The following STOX1 variants were observed in gnomAD, a reference collection of about 807,000 sequenced individuals.
STOX1 encodes storkhead-box protein 1.
STOX1 carries 57 observed loss-of-function variants against 74.8 expected under a neutral mutation model. The observed-to-expected ratio is 0.76, with a 90% CI of 0.62 to 0.95. The LOEUF (loss-of-function observed/expected upper bound fraction) is 0.95. Ranked by LOEUF, STOX1 falls within the 40% of genes least tolerant of loss-of-function variation. The probability of loss-of-function intolerance (pLI) is 0.00; values close to 1 mark genes in which losing one functional copy is unlikely to be tolerated. For synonymous variants in STOX1, 375 were observed against 401.3 expected (o/e 0.93, Z 0.78); for missense variants, 1,010 against 1,117.0 (o/e 0.90, Z 1.37).
intron 1 of STOX1, among the ~76,000 whole-genome samples, chr10:68,867,519 C>T (rs1840439426): frequency 6.6e-6 from 1 of 152,118 alleles, no homozygotes; most frequent in South Asian, 2.1e-4. Flanking sequence ...CCAGTGTCCT[C>T]TGGAAAAGAA....
chr10:68,870,472 G>A (rs2133579313), intron 1 of STOX1, among the ~76,000 whole-genome samples: 1 of 152,282 alleles, frequency 6.6e-6, no homozygotes, highest in Admixed American at 6.5e-5. Flanking sequence ...TAGGTAGAAT[G>A]GTTCACCAAA....
At position 68,868,072 on chromosome 10, in the gene STOX1, G is replaced by A. The variant is rs548674715; in HGVS notation, c.311-13886G>A. Among the ~76,000 whole-genome samples, 21 of 152,320 alleles carry A rather than the reference G, an allele frequency of 1.4e-4. No individual in the cohort carries two copies. The South Asian group carries it at 2.1e-3, about 15-fold the overall frequency. On this transcript the variant is annotated intron_variant, in intron 1 of 3. Coordinates refer to ENST00000298596, the MANE Select transcript of STOX1 (RefSeq NM_152709.5). ...CAGTGTAGTTCCACGTTCTCCAACC[G>A]TCGCTCTGGCGACCCTTCGATCCGG...
Position 68,884,304 on chromosome 10 carries a change from A to G in STOX1, c.508A>G (p.Thr170Ala). 6.2e-7 allele frequency: 1 copy of G among 1,614,188 alleles called. No homozygotes were observed. Among genetic ancestry groups the G allele is most frequent in the Non-Finnish European group, 8.5e-7 (1 of 1,180,026 alleles). Residue 170 changes from threonine (T) to alanine (A), a missense_variant, in exon 3 of 4, where the codon ACG becomes GCG. Physicochemically the swap from Thr to Ala is moderately conservative, Grantham distance 58. Transcript: ENST00000298596. ...AGATATTCTTTATACCACTCTGGGA[A>G]CGCTGATTAAAGAAAGGAAGATTTA... ...SEDILYTTLG[T>A]LIKERKIYHT... is the part of the protein sequence containing the mutation.
intron 1 of STOX1, among the ~76,000 whole-genome samples, chr10:68,876,882 G>A (rs1840693995): frequency 1.3e-5 from 2 of 152,202 alleles, no homozygotes; most frequent in Non-Finnish European, 2.9e-5. Context: ...TGCATAGAAA[G>A]TTAATTTTTG....
rs1840822494 is a variant in STOX1, at chr10:68,881,970, C to T, written c.323C>T (p.Pro108Leu). Residue 108 changes from proline (P) to leucine (L), a missense_variant, in exon 2 of 4, where the codon CCA becomes CTA. Physicochemically the swap from Pro to Leu is moderately conservative, Grantham distance 98. Coordinates refer to ENST00000298596, the MANE Select transcript of STOX1 (RefSeq NM_152709.5). ...ATCTCCAATTTAGGTGATGTCTTTC[C>T]AGTGCAAATGAATCCAATAACTCAA... ...FRIRAVGDVFPVQMNPITQSQ... is the reference protein window; with the variant it reads ...FRIRAVGDVFLVQMNPITQSQ... 1.2e-6 allele frequency: 2 copies of T among 1,613,646 alleles called. No homozygotes were observed. The highest frequency in any genetic ancestry group is 1.7e-6 in the Non-Finnish European group (2 of 1,179,846).
At chr10:68,863,243 T>C (rs929171343) in intron 1 of STOX1, among the ~76,000 whole-genome samples, 2 of 152,076 alleles carry the variant, frequency 1.3e-5, no homozygotes, top group African/African-American at 2.4e-5. Flanking sequence ...TATGCCCCAA[T>C]AGTAGAATTG....
intron 1 of STOX1, among the ~76,000 whole-genome samples, chr10:68,860,610 T>C (rs10823260): frequency 0.27 from 40,209 of 147,310 alleles, 6,094 homozygotes; most frequent in African/African-American, 0.38. Flanking sequence ...TTGGCCACAC[T>C]TATGTCATAT....
chr10:68,828,632 G>T (rs1329675758), intron 1 of STOX1, among the ~76,000 whole-genome samples: 1 of 152,180 alleles, frequency 6.6e-6, no homozygotes, highest in Non-Finnish European at 1.5e-5. Flanking sequence ...AGGCTCCACC[G>T]GGGCGGTTAG....
chr10:68,829,057 A>T (rs574406120), intron 1 of STOX1: 1 of 929,300 alleles, frequency 1.1e-6, no homozygotes, highest in African/African-American at 1.8e-5. Flanking sequence ...TGCAAGGGCC[A>T]TTTGATGGTG....
At chr10:68,832,802 TACTC>T (rs1243142127) in intron 1 of STOX1, among the ~76,000 whole-genome samples, 1 of 152,132 alleles carries the variant, frequency 6.6e-6, no homozygotes, top group Admixed American at 6.6e-5. Flanking sequence ...CTTGCTCTCT[TACTC>T]AGGCTGGAAT....
chr10:68,875,649 A>C (rs1307265118), intron 1 of STOX1, among the ~76,000 whole-genome samples: 1 of 152,104 alleles, frequency 6.6e-6, no homozygotes, highest in Non-Finnish European at 1.5e-5. Context: ...TAAAGAAACC[A>C]CTTCTTTTTC....
chr10:68,892,436 C>G (rs1167400611), intron 3 of STOX1, among the ~76,000 whole-genome samples, 153 bp from the exon 4 acceptor site: 1 of 151,950 alleles, frequency 6.6e-6, no homozygotes. Flanking sequence ...ATGTAAAGAG[C>G]ACTTCGGATT....
chr10:68,836,733 T>C (rs1839565262), intron 1 of STOX1, among the ~76,000 whole-genome samples: 1 of 152,204 alleles, frequency 6.6e-6, no homozygotes, highest in African/African-American at 2.4e-5. Context: ...TGTGAACGGC[T>C]TCCTGCTCAC....
At chr10:68,838,924 A>AAG (rs775740827) in intron 1 of STOX1, among the ~76,000 whole-genome samples, 12 of 151,292 alleles carry the variant, frequency 7.9e-5, no homozygotes, top group East Asian at 3.9e-4. Flanking sequence ...AAAAAAAAAA[A>AAG]GAAGTGGCAA....
At position 68,877,385 on chromosome 10, in the gene STOX1, T is replaced by G. The variant is rs867479103; in HGVS notation, c.311-4573T>G. On this transcript the variant is annotated intron_variant, in intron 1 of 3. Transcript: ENST00000298596. ...GGTTTGAAAAATGTAAGAAAAAAGTTGTGTTTCATACATTTCTCCTTGGTA... is the reference window on the plus strand; with the variant it reads ...GGTTTGAAAAATGTAAGAAAAAAGTGGTGTTTCATACATTTCTCCTTGGTA... 7.2e-5 allele frequency among the ~76,000 whole-genome samples: 11 copies of G among 152,322 alleles called. 1 individual carries two copies. The South Asian group carries it at 2.3e-3, about 32-fold the overall frequency.
At chr10:68,869,649 G>T (rs1840491816) in intron 1 of STOX1, among the ~76,000 whole-genome samples, 2 of 152,148 alleles carry the variant, frequency 1.3e-5, no homozygotes, top group Non-Finnish European at 2.9e-5. Flanking sequence ...CACAGCTGAA[G>T]GTACAGTACT....
chr10:68,856,991 T>A (rs370487619), intron 1 of STOX1, among the ~76,000 whole-genome samples: 1 of 152,112 alleles, frequency 6.6e-6, no homozygotes, highest in East Asian at 1.9e-4. Context: ...TACAGGCCCT[T>A]GTCTGTCTCT....
At chr10:68,879,995 T>C (rs1410301057) in intron 1 of STOX1, among the ~76,000 whole-genome samples, 2 of 152,108 alleles carry the variant, frequency 1.3e-5, no homozygotes, top group Non-Finnish European at 2.9e-5. Flanking sequence ...ACTGGGACCA[T>C]TGTTCATCCT....
At chr10:68,829,414 G>GAATCTCCT (rs1341431531) in intron 1 of STOX1, among the ~76,000 whole-genome samples, 1 of 152,238 alleles carries the variant, frequency 6.6e-6, no homozygotes, top group Non-Finnish European at 1.5e-5. Context: ...ATACTTGGGA[G>GAATCTCCT]GCTGAGGCAG....
Sources: allele counts gnomAD v4.1 joint callset (sites outside exome capture counted in the v4.1 genomes callset), GRCh38; gene constraint gnomAD v4.1.1; transcripts MANE v1.5; gene names NCBI Gene and HGNC (gene_info 2026-07-23, HGNC 2026-07-21).